Variants in CBLN2 observed in about 807,000 individuals in gnomAD.
CBLN2 encodes the protein cerebellin 2 precursor, also known as cerebellin-2.
A neutral mutation model predicts 15.0 loss-of-function variants in CBLN2; 7 were observed. The observed-to-expected ratio is 0.47, with a 90% CI of 0.27 to 0.88. CBLN2 has a LOEUF of 0.88. Among genes scored for constraint, CBLN2 ranks in the 40% least tolerant of loss-of-function variants. The pLI, the probability that CBLN2 is intolerant of heterozygous loss-of-function variation, is 0.14. For synonymous variants in CBLN2, 149 were observed against 135.2 expected, an observed-to-expected ratio of 1.10 and a Z score of -0.71; for missense variants, 242 against 304.5, an observed-to-expected ratio of 0.79 and a Z score of 1.53.
At chr18:72,545,606 T>C (rs1392516214), upstream of CBLN2, among the ~76,000 whole-genome samples, 1 of 152,242 alleles carries the variant, frequency 6.6e-6, no homozygotes, top group Non-Finnish European at 1.5e-5. Context: ...TTCCACTATT[T>C]CATCCATGTG....
chr18:72,621,580 A>C (rs1275195981), intron 1 of CBLN2, among the ~76,000 whole-genome samples: 1 of 152,302 alleles, frequency 6.6e-6, no homozygotes, highest in African/African-American at 2.4e-5. Context: ...ATTATTTTTT[A>C]AAACAAATCT....
intron 1 of CBLN2, among the ~76,000 whole-genome samples, chr18:72,628,589 A>C (rs1047808233): frequency 3.3e-5 from 5 of 152,198 alleles, no homozygotes; most frequent in African/African-American, 1.2e-4. Flanking sequence ...CGCAAGAGAA[A>C]GGGGTGAGGC....
chr18:72,628,466 G>T (rs1381046641), intron 1 of CBLN2, among the ~76,000 whole-genome samples: 2 of 152,178 alleles, frequency 1.3e-5, no homozygotes, highest in Non-Finnish European at 2.9e-5. Flanking sequence ...ACCCCTCAGG[G>T]AGCTCAAGGG....
chr18:72,601,781 G>C (rs991902687), intron 1 of CBLN2, among the ~76,000 whole-genome samples: 7 of 152,096 alleles, frequency 4.6e-5, no homozygotes, highest in Admixed American at 2.6e-4. Context: ...GCCTATAAGC[G>C]GGAGGGGGGC....
rs541563111 is a variant in CBLN2 at position 72,541,895 on chromosome 18, C to T, written c.266G>A (p.Gly89Asp). 1.9e-6 allele frequency: 3 copies of T among 1,607,206 alleles called. No individual in the cohort carries two copies. Among genetic ancestry groups the T allele is most frequent in the Non-Finnish European group, 2.5e-6 (3 of 1,178,776 alleles). ...TSSLGISVRS[G>D]SAKVAFSATR... is the part of the protein sequence containing the mutation. Reference sequence around the variant, plus strand: ...GGCGGAGAAGGCCACCTTGGCGCTGCCGGAGCGCACGGAGATGCCTAGGGA... The same window carrying T: ...GGCGGAGAAGGCCACCTTGGCGCTGTCGGAGCGCACGGAGATGCCTAGGGA... Residue 89 changes from glycine (G) to aspartate (D), a missense_variant, in exon 3 of 5, where the codon GGC (glycine) becomes GAC (aspartate). Gly to Asp is a moderately conservative substitution (Grantham distance 94). Coordinates refer to ENST00000269503, the MANE Select transcript of CBLN2 (RefSeq NM_182511.4).
chr18:72,619,249 A>C (rs755670955), intron 1 of CBLN2: 1 of 905,184 alleles, frequency 1.1e-6, no homozygotes, highest in South Asian at 1.3e-5. Context: ...AAAGCTTAGC[A>C]GGAGAGGAGA....
chr18:72,594,807 A>G (rs2069502526), intron 1 of CBLN2, among the ~76,000 whole-genome samples: 2 of 152,024 alleles, frequency 1.3e-5, no homozygotes, highest in Admixed American at 1.3e-4. Context: ...TTTCCAATTC[A>G]TTGGCATATA....
At chr18:72,603,922 C>G (rs956268365) in intron 1 of CBLN2, among the ~76,000 whole-genome samples, 6 of 152,120 alleles carry the variant, frequency 3.9e-5, no homozygotes, top group African/African-American at 1.4e-4. Flanking sequence ...ACTAATAATC[C>G]TGTTATTTCC....
intron 1 of CBLN2, among the ~76,000 whole-genome samples, chr18:72,570,571 C>A (rs1434393721): frequency 6.6e-6 from 1 of 152,076 alleles, no homozygotes; most frequent in Non-Finnish European, 1.5e-5. Context: ...GTAACTCATG[C>A]CTGAATGAGG....
intron 1 of CBLN2, among the ~76,000 whole-genome samples, chr18:72,584,939 A>G (rs2069432438): frequency 6.6e-6 from 1 of 152,204 alleles, no homozygotes; most frequent in African/African-American, 2.4e-5. Context: ...AGCCAGGCAC[A>G]GAGCAGTGAA....
At chr18:72,562,372 A>G (rs967162943) in intron 1 of CBLN2, among the ~76,000 whole-genome samples, 3 of 152,210 alleles carry the variant, frequency 2.0e-5, no homozygotes, top group African/African-American at 7.2e-5. Context: ...AGGATAAAGT[A>G]TATCTCAAGC....
intron 1 of CBLN2, among the ~76,000 whole-genome samples, chr18:72,624,415 G>A (rs372521151): frequency 3.0e-4 from 45 of 152,142 alleles, no homozygotes; most frequent in African/African-American, 5.1e-4. Context: ...CGAGGCGGGC[G>A]GATCACTTGA....
intron 1 of CBLN2, among the ~76,000 whole-genome samples, chr18:72,580,233 T>C (rs2069394247): frequency 6.6e-6 from 1 of 152,096 alleles, no homozygotes; most frequent in South Asian, 2.1e-4. Flanking sequence ...ACTCTAAATA[T>C]TATACTTTAT....
intron 1 of CBLN2, among the ~76,000 whole-genome samples, chr18:72,597,874 G>A (rs1451220281): frequency 6.6e-6 from 1 of 152,154 alleles, no homozygotes; most frequent in Non-Finnish European, 1.5e-5. Context: ...TTCAGTCAAG[G>A]CAGAAGGGCT....
chr18:72,579,292 A>C (rs940092428), intron 1 of CBLN2, among the ~76,000 whole-genome samples: 14 of 152,232 alleles, frequency 9.2e-5, no homozygotes, highest in African/African-American at 3.4e-4. Flanking sequence ...TCAATCATAA[A>C]TATATACATA....
chr18:72,537,401 T>C lies in CBLN2; in HGVS notation c.*775A>G, dbSNP rs2069071432. ...TCTCGTCTAAAACAAAACATACAGG[T>C]ATTTTAATGTTTTGTTTTGTTTGGT... On this transcript the variant is annotated 3_prime_UTR_variant, in exon 5 of 5. Coordinates refer to ENST00000269503, the MANE Select transcript of CBLN2 (RefSeq NM_182511.4). 6.6e-6 allele frequency: 1 copy of C among 152,310 alleles called. No homozygotes were observed. The highest frequency in any genetic ancestry group is 2.1e-4 in the South Asian group (1 of 4,836). 9.4% of individuals were successfully genotyped at this position (152,310 alleles called of 1,614,324 possible). A position where few individuals can be genotyped will look rare whatever the true frequency, so the allele number is the denominator to read the frequency against.
At chr18:72,558,572 C>A (rs1253535456) in intron 1 of CBLN2, among the ~76,000 whole-genome samples, 2 of 152,114 alleles carry the variant, frequency 1.3e-5, no homozygotes, top group East Asian at 3.9e-4. Flanking sequence ...CTGTTCTTTT[C>A]TCTGGAAGTA....
At position 72,627,051 on chromosome 18, in the gene CBLN2, A is replaced by G. The variant is rs72634457; in HGVS notation, c.15+11274T>C. The stretch of plus-strand genomic sequence containing the variant: ...GTGAGACATCCATATTGTGTCAGGC[A>G]GTTGGAGTTGATTTATTTTTACTGT... On this transcript the variant is annotated intron_variant, in intron 1 of 2. Transcript: ENST00000581073. Among the ~76,000 whole-genome samples, 5,142 of 152,272 alleles carry G rather than the reference A, an allele frequency of 0.034. 572 individuals carry two copies. In the East Asian group the frequency reaches 0.44, roughly 13 times the overall value.
chr18:72,607,978 G>T (rs1230439540), intron 1 of CBLN2, among the ~76,000 whole-genome samples: 1 of 151,986 alleles, frequency 6.6e-6, no homozygotes, highest in Non-Finnish European at 1.5e-5. Context: ...ATATTTAAAG[G>T]CATATTACCT....
Sources: gnomAD v4.1 joint callset for allele counts (sites outside exome capture counted in the v4.1 genomes callset) on GRCh38, gnomAD v4.1.1 for gene constraint, MANE v1.5 for transcripts, NCBI Gene and HGNC (gene_info 2026-07-23, HGNC 2026-07-21) for gene names.